The following MYO1E variants were observed in gnomAD, a reference collection of about 807,000 sequenced individuals.
MYO1E encodes myosin IE.
Under a neutral mutation model 151.1 loss-of-function variants are expected in MYO1E, and 68 were observed. The ratio of observed to expected loss-of-function variants is 0.45; its 90% CI spans 0.37 to 0.55. MYO1E has a LOEUF of 0.55. Ranked by LOEUF, MYO1E falls within the 20% of genes least tolerant of loss-of-function variation. The pLI is 0.00. For missense variants in MYO1E, 1,363 were observed against 1,389.3 expected (o/e 0.98, Z 0.30); for synonymous variants, 601 against 501.7 (o/e 1.20, Z -2.64).
chr15:59,153,404 T>G (rs1202757489), intron 26 of MYO1E, among the ~76,000 whole-genome samples, 186 bp downstream of exon 26: 1 of 152,242 alleles, frequency 6.6e-6, no homozygotes, highest in Non-Finnish European at 1.5e-5. Context: ...GTGCTATTAA[T>G]GTGACTGTAC....
chr15:59,281,464 C>T (rs528178209), intron 1 of MYO1E, among the ~76,000 whole-genome samples: 7 of 151,936 alleles, frequency 4.6e-5, no homozygotes, highest in East Asian at 1.9e-4. Flanking sequence ...TTAGTAGAGA[C>T]GGGTTTTCAC....
chr15:59,281,279 T>TC (rs1555416607), intron 1 of MYO1E, among the ~76,000 whole-genome samples: 1 of 149,916 alleles, frequency 6.7e-6, no homozygotes, highest in Non-Finnish European at 1.5e-5. Context: ...TTCTTTTCTT[T>TC]CTTTTTTTTT....
intron 2 of MYO1E, among the ~76,000 whole-genome samples, chr15:59,270,421 G>A (rs546732980): frequency 3.9e-3 from 596 of 151,744 alleles, no homozygotes; most frequent in African/African-American, 0.013. Context: ...GTGTCTGCCT[G>A]TAGTCCAGCT....
At chr15:59,182,172 A>G (rs528130744) in intron 18 of MYO1E, among the ~76,000 whole-genome samples, 1 of 152,102 alleles carries the variant, frequency 6.6e-6, no homozygotes, top group Non-Finnish European at 1.5e-5. Context: ...ATAGAAAAAT[A>G]ATTTCTTTCC....
chr15:59,359,266 A>G lies in MYO1E; in HGVS notation c.3+13232T>C, dbSNP rs184247502. Among the ~76,000 whole-genome samples, 8 of 127,524 alleles carry G rather than the reference A, an allele frequency of 6.3e-5. No homozygotes were observed. In the East Asian group the frequency reaches 1.8e-3, roughly 28 times the overall value. 83.7% of individuals were successfully genotyped at this position (127,524 alleles called of 152,430 possible). On this transcript the variant is annotated intron_variant, in intron 1 of 27. Transcript: ENST00000288235. ...CAAAGTGAGACCCTGTAAAATATAT[A>G]TATATTTTACATACATATATATATA...
At chr15:59,249,944 G>T (rs1220296794) in intron 4 of MYO1E, among the ~76,000 whole-genome samples, 2 of 152,080 alleles carry the variant, frequency 1.3e-5, no homozygotes, top group Non-Finnish European at 2.9e-5. Context: ...GGAAGGAAGA[G>T]TTCCAAAACC....
At chr15:59,304,263 G>A (rs1023553648) in intron 1 of MYO1E, among the ~76,000 whole-genome samples, 2 of 152,182 alleles carry the variant, frequency 1.3e-5, no homozygotes, top group African/African-American at 4.8e-5. Context: ...GATTACAGGC[G>A]TGAGCCACTG....
chr15:59,232,725 A>C (rs1299173123), intron 5 of MYO1E, among the ~76,000 whole-genome samples: 1 of 152,250 alleles, frequency 6.6e-6, no homozygotes, highest in African/African-American at 2.4e-5. Flanking sequence ...TTGTCCTCAT[A>C]GGAAAACAGG....
At chr15:59,179,544 T>A (rs2079646104) in intron 18 of MYO1E, among the ~76,000 whole-genome samples, 1 of 152,202 alleles carries the variant, frequency 6.6e-6, no homozygotes, top group Admixed American at 6.5e-5. Context: ...AAGCTTTTGA[T>A]GTACGATCTC....
intron 1 of MYO1E, among the ~76,000 whole-genome samples, chr15:59,277,476 C>T (rs779147918): frequency 1.4e-5 from 2 of 147,304 alleles, no homozygotes; most frequent in Non-Finnish European, 3.0e-5. Context: ...ACCCAGGAGG[C>T]GGAGGTTGCA....
At chr15:59,318,567 T>G (rs2080604169) in intron 1 of MYO1E, among the ~76,000 whole-genome samples, 1 of 152,174 alleles carries the variant, frequency 6.6e-6, no homozygotes, top group Non-Finnish European at 1.5e-5. Context: ...AAATTATTAG[T>G]CTAGAAGACT....
chr15:59,214,042 A>C (rs1206469057), intron 12 of MYO1E, among the ~76,000 whole-genome samples, 186 bp downstream of exon 12: 2 of 152,240 alleles, frequency 1.3e-5, no homozygotes, highest in Non-Finnish European at 2.9e-5. Flanking sequence ...CAAATGCTGC[A>C]GACGGTATTT....
rs2080058929 is a variant in MYO1E, at chr15:59,235,833, GTT to G, written c.420+750_420+751del. Among the ~76,000 whole-genome samples, 3 of 152,096 alleles carry G rather than the reference GTT, an allele frequency of 2.0e-5. No homozygotes were observed. The South Asian group carries it at 6.2e-4, about 32-fold the overall frequency. ...TGTCCCTACTTCCTACCAATCAAGC[GTT>G]TAAAACATGGTAAGATTCTGGCCAA... On this transcript the variant is annotated intron_variant, in intron 5 of 27. Transcript: ENST00000288235.
At position 59,195,446 on chromosome 15, in the gene MYO1E, G is replaced by T. The variant is rs192523461; in HGVS notation, c.1805+15C>A. 1 of 1,602,710 alleles carries T rather than the reference G, an allele frequency of 6.2e-7. No homozygotes were observed. The highest frequency in any genetic ancestry group is 8.5e-7 in the Non-Finnish European group (1 of 1,169,668). ...AAAAGGTCCCGGCCCCACCTAAGCC[G>T]GTTTCCCCCGATACCTGCTTTCCTC... On this transcript the variant is annotated intron_variant, in intron 17 of 27. Transcript: ENST00000288235.
At chr15:59,264,875 T>C (rs1481819730) in intron 2 of MYO1E, 2 of 152,042 alleles carry the variant, frequency 1.3e-5, no homozygotes, top group South Asian at 2.1e-4. Context: ...TTTTTTAAAA[T>C]TAGCCAAGCA....
chr15:59,335,379 T>G (rs955341952), intron 1 of MYO1E, among the ~76,000 whole-genome samples: 3 of 152,200 alleles, frequency 2.0e-5, no homozygotes, highest in African/African-American at 7.2e-5. Context: ...CAGTATGAGA[T>G]GTAATCTGCC....
At chr15:59,358,855 T>C (rs1227240472) in intron 1 of MYO1E, among the ~76,000 whole-genome samples, 1 of 152,148 alleles carries the variant, frequency 6.6e-6, no homozygotes, top group Non-Finnish European at 1.5e-5. Flanking sequence ...CGACCATAAT[T>C]CCTGAACTGT....
intron 1 of MYO1E, among the ~76,000 whole-genome samples, chr15:59,339,260 T>C (rs954653013): frequency 2.0e-5 from 3 of 152,206 alleles, no homozygotes; most frequent in Admixed American, 1.3e-4. Flanking sequence ...CTGGTTCTAA[T>C]GGATGGTGTG....
intron 1 of MYO1E, among the ~76,000 whole-genome samples, chr15:59,314,666 A>G (rs2080574733): frequency 6.6e-6 from 1 of 152,088 alleles, no homozygotes; most frequent in South Asian, 2.1e-4. Context: ...CATTTGGCAG[A>G]ATATGGATTC....
Sources: gnomAD v4.1 joint callset for allele counts (sites outside exome capture counted in the v4.1 genomes callset) on GRCh38, gnomAD v4.1.1 for gene constraint, MANE v1.5 for transcripts, NCBI Gene and HGNC (gene_info 2026-07-23, HGNC 2026-07-21) for gene names.